RAP1GAP2: variants seen among roughly 807,000 people sequenced by gnomAD.
The protein encoded by RAP1GAP2 is RAP1 GTPase activating protein 2, also known as rap1 GTPase-activating protein 2.
In RAP1GAP2, 27 loss-of-function variants were observed where a neutral mutation model predicts 95.0. That is an observed-to-expected ratio of 0.28 (90% CI 0.21 to 0.39). The LOEUF is 0.39. RAP1GAP2 is among the 10% of genes least tolerant of loss of function. The probability of loss-of-function intolerance (pLI) is 1.00; values close to 1 mark genes in which losing one functional copy is unlikely to be tolerated. For synonymous variants in RAP1GAP2, 373 were observed against 380.9 expected (o/e 0.98, Z 0.24); for missense variants, 771 against 970.0 (o/e 0.79, Z 2.72).
chr17:2,965,664 G>T lies in RAP1GAP2; in HGVS notation c.596+21G>T. On this transcript the variant is annotated intron_variant, in intron 8 of 24. Coordinates refer to ENST00000254695, the MANE Select transcript of RAP1GAP2 (RefSeq NM_015085.5). The surrounding 1 kb of genome is among the most constrained non-coding windows in gnomAD (Gnocchi z 4.7). ...CTTAGGTAGGGCTGTTGCGCTGCTT[G>T]AGGCCACTTCTCTTCCAGGCAGGGC... 1 of 1,534,080 alleles carries T rather than the reference G, an allele frequency of 6.5e-7. No homozygotes were observed.
intron 2 of RAP1GAP2, among the ~76,000 whole-genome samples, chr17:2,822,071 G>C (rs540727084): frequency 2.8e-4 from 43 of 152,310 alleles, no homozygotes; most frequent in African/African-American, 1.0e-3. Flanking sequence ...TTCAGATGCA[G>C]CTCCTGCCTC....
At chr17:2,811,667 T>C (rs1011786555) in intron 2 of RAP1GAP2, among the ~76,000 whole-genome samples, 1 of 152,164 alleles carries the variant, frequency 6.6e-6, no homozygotes, top group African/African-American at 2.4e-5. Flanking sequence ...AACCTCTGCC[T>C]CCCGGGTTCA....
intron 8 of RAP1GAP2, among the ~76,000 whole-genome samples, chr17:2,970,286 A>AT (rs1481242602): frequency 6.7e-5 from 10 of 148,556 alleles, no homozygotes; most frequent in African/African-American, 2.5e-4. Context: ...AAAAAAAAAA[A>AT]AAAAAAAAAA....
intron 2 of RAP1GAP2, among the ~76,000 whole-genome samples, chr17:2,900,571 A>G (rs1382973427): frequency 6.6e-6 from 1 of 151,892 alleles, no homozygotes; most frequent in Non-Finnish European, 1.5e-5. Context: ...CCTCTCAAGT[A>G]GCTGGGATTA....
At chr17:2,786,158 C>T (rs576474268) in intron 1 of RAP1GAP2, among the ~76,000 whole-genome samples, 1 of 152,294 alleles carries the variant, frequency 6.6e-6, no homozygotes, top group East Asian at 1.9e-4. Flanking sequence ...GCCTCGGCCT[C>T]CCACAGTGCT....
At chr17:2,994,682 CACCT>C (rs2045893958) in intron 12 of RAP1GAP2, among the ~76,000 whole-genome samples, 1 of 152,224 alleles carries the variant, frequency 6.6e-6, no homozygotes, top group South Asian at 2.1e-4. Flanking sequence ...GCCGGCGCCC[CACCT>C]TGGGGGAATG....
Position 3,035,405 on chromosome 17 carries a change from G to C in RAP1GAP2, c.*2044G>C, listed in dbSNP as rs2151687975. On this transcript the variant is annotated 3_prime_UTR_variant, in exon 25 of 25. Coordinates refer to ENST00000254695, the MANE Select transcript of RAP1GAP2 (RefSeq NM_015085.5). The surrounding 1 kb of genome is among the most constrained non-coding windows in gnomAD (Gnocchi z 4.3). The stretch of plus-strand genomic sequence containing the variant: ...CACATTGCCATCTGGGGTCCTTTGG[G>C]GTTTCCAGGTTGTCACCATGCTGTC... 1 of 152,416 alleles carries C rather than the reference G, an allele frequency of 6.6e-6. No homozygotes were observed. Among genetic ancestry groups the C allele is most frequent in the Non-Finnish European group, 1.5e-5 (1 of 68,126 alleles). 9.4% of individuals were successfully genotyped at this position (152,416 alleles called of 1,614,324 possible).
rs2046288870 is a variant in RAP1GAP2, at chr17:3,004,968, CTG to C, written c.1201-395_1201-394del. Among the ~76,000 whole-genome samples, 2 of 152,134 alleles carry C rather than the reference CTG, an allele frequency of 1.3e-5. No homozygotes were observed. On this transcript the variant is annotated intron_variant, in intron 14 of 24. Coordinates refer to ENST00000254695, the MANE Select transcript of RAP1GAP2 (RefSeq NM_015085.5). The surrounding 1 kb of genome is among the most constrained non-coding windows in gnomAD (Gnocchi z 4.1). ...TCACCTGTGGGACTTGGGGGCTTCT[CTG>C]TGTGTCTCTGGGCATCTGTTTCCTC...
At chr17:2,998,713 A>G (rs942141419) in intron 14 of RAP1GAP2, among the ~76,000 whole-genome samples, 1 of 149,734 alleles carries the variant, frequency 6.7e-6, no homozygotes, top group African/African-American at 2.5e-5. Context: ...GAATTTGGTA[A>G]TGCCATTTGC....
chr17:2,859,932 TG>T (rs2072306298), intron 2 of RAP1GAP2, among the ~76,000 whole-genome samples: 1 of 152,020 alleles, frequency 6.6e-6, no homozygotes, highest in African/African-American at 2.4e-5. Context: ...GTTGATTGTT[TG>T]TTTTTTTTTT....
intron 1 of RAP1GAP2, among the ~76,000 whole-genome samples, chr17:2,756,443 G>C (rs531909212): frequency 1.6e-4 from 24 of 152,278 alleles, no homozygotes; most frequent in African/African-American, 5.8e-4. Context: ...CAGCGCTGTC[G>C]AGTCACCTGA....
chr17:3,007,996 C>T lies in RAP1GAP2; in HGVS notation c.1360-15C>T, dbSNP rs369443303. 3.7e-6 allele frequency: 6 copies of T among 1,612,668 alleles called. No homozygotes were observed. The highest frequency in any genetic ancestry group is 1.1e-5 in the South Asian group (1 of 90,994). On this transcript the variant is annotated splice_polypyrimidine_tract_variant and intron_variant, in intron 16 of 24. Coordinates refer to ENST00000254695, the MANE Select transcript of RAP1GAP2 (RefSeq NM_015085.5). ...TCAGAGCCAGCTTCTCCATCCCCAC[C>T]CTCTTCCCTTCTAGGACCGGACCAG...
At chr17:2,840,691 A>G (rs1041457722) in intron 2 of RAP1GAP2, among the ~76,000 whole-genome samples, 6 of 151,832 alleles carry the variant, frequency 4.0e-5, no homozygotes, top group African/African-American at 1.5e-4. Context: ...GATTATATCC[A>G]TTTATGATGT....
intron 17 of RAP1GAP2, among the ~76,000 whole-genome samples, chr17:3,010,878 T>C (rs1406892881): frequency 6.6e-6 from 1 of 152,006 alleles, no homozygotes; most frequent in Non-Finnish European, 1.5e-5. Flanking sequence ...TCACACAGAG[T>C]AAGCTTCAGG....
intron 8 of RAP1GAP2, among the ~76,000 whole-genome samples, chr17:2,974,982 A>G (rs2045049729): frequency 6.6e-6 from 1 of 152,218 alleles, no homozygotes; most frequent in Non-Finnish European, 1.5e-5. Context: ...TAATCCCCAC[A>G]CTTTGGGAAG....
At chr17:2,926,792 G>A (rs1489718103) in intron 3 of RAP1GAP2, among the ~76,000 whole-genome samples, 1 of 151,856 alleles carries the variant, frequency 6.6e-6, no homozygotes, top group South Asian at 2.1e-4. Flanking sequence ...ATCACCTGAG[G>A]TCAAGAGTTC....
chr17:2,788,843 A>G (rs1325134399), intron 1 of RAP1GAP2, among the ~76,000 whole-genome samples: 2 of 152,166 alleles, frequency 1.3e-5, no homozygotes, highest in East Asian at 1.9e-4. Flanking sequence ...GCCGGCCCAC[A>G]TTGGTAAAGC....
chr17:2,994,377 G>A (rs767205821), intron 12 of RAP1GAP2, among the ~76,000 whole-genome samples: 4 of 152,184 alleles, frequency 2.6e-5, no homozygotes, highest in Non-Finnish European at 4.4e-5. Context: ...GCTGGCAGCC[G>A]TGTGTATAAA....
rs1477714447 is a variant in RAP1GAP2 at position 2,797,865 on chromosome 17, G to A, written c.44+1294G>A. 1 of 836,960 alleles carries A rather than the reference G, an allele frequency of 1.2e-6. No homozygotes were observed. 51.8% of individuals were successfully genotyped at this position (836,960 alleles called of 1,614,324 possible). A position where few individuals can be genotyped will look rare whatever the true frequency, so the allele number is the denominator to read the frequency against. ...GTGTGTCTTGGCTGTGGGCCTTGCA[G>A]GGCAGGGCCCAGCAATTAGATTGTG... is the stretch of plus-strand genomic sequence containing the variant. On this transcript the variant is annotated intron_variant, in intron 1 of 24. Transcript: ENST00000254695. The surrounding 1 kb of genome is among the most constrained non-coding windows in gnomAD (Gnocchi z 5.6).
Sources: allele counts gnomAD v4.1 joint callset (sites outside exome capture counted in the v4.1 genomes callset), GRCh38; gene constraint gnomAD v4.1.1; non-coding constraint Gnocchi (gnomAD v3.1); transcripts MANE v1.5; gene names NCBI Gene and HGNC (gene_info 2026-07-23, HGNC 2026-07-21).